Variants in SMIM36 observed in about 807,000 individuals in gnomAD.
SMIM36 encodes the protein small integral membrane protein 36.
At chr17:55,493,625 CGTGGTGAAACCCCAT>C (rs1909752138) in intron 1 of SMIM36, among the ~76,000 whole-genome samples, 1 of 151,790 alleles carries the variant, frequency 6.6e-6, no homozygotes. Context: ...GCCTGGGCAA[CGTGGTGAAACCCCAT>C]CTCTACAAAA....
At chr17:55,526,789 C>G in the SMIM36 span, among the ~76,000 whole-genome samples, 1 of 152,166 alleles carries the variant, frequency 6.6e-6, no homozygotes, top group Non-Finnish European at 1.5e-5. Flanking sequence ...TTGCCTCTGG[C>G]TCATTTCTTT....
intron 1 of SMIM36, among the ~76,000 whole-genome samples, chr17:55,489,286 G>C (rs990837221): frequency 6.6e-6 from 1 of 152,244 alleles, no homozygotes; most frequent in Non-Finnish European, 1.5e-5. Flanking sequence ...GCTGAGGCAG[G>C]AGAATCGCTT....
At chr17:55,452,779 C>T (rs1255574012) in intron 4 of SMIM36, among the ~76,000 whole-genome samples, 1 of 152,150 alleles carries the variant, frequency 6.6e-6, no homozygotes, top group East Asian at 1.9e-4. Flanking sequence ...ATTTTGGGTA[C>T]TCTCCTCCTC....
chr17:55,501,093 A>T (rs796638869), intron 1 of SMIM36, among the ~76,000 whole-genome samples: 1 of 15,806 alleles, frequency 6.3e-5, no homozygotes, highest in African/African-American at 5.3e-4. Flanking sequence ...ATATACTATT[A>T]TATTTTATAA....
At chr17:55,461,687 A>G (rs1909151299) in intron 4 of SMIM36, among the ~76,000 whole-genome samples, 1 of 152,250 alleles carries the variant, frequency 6.6e-6, no homozygotes, top group South Asian at 2.1e-4. Context: ...TAAACACAGA[A>G]AGCAAACACA....
At chr17:55,509,769 C>T (rs1173835412) in intron 1 of SMIM36, among the ~76,000 whole-genome samples, 1 of 152,070 alleles carries the variant, frequency 6.6e-6, no homozygotes, top group Non-Finnish European at 1.5e-5. Context: ...TAAAAATACA[C>T]ACAATGGAGA....
intron 1 of SMIM36, among the ~76,000 whole-genome samples, chr17:55,486,355 A>G (rs1909608462): frequency 6.6e-6 from 1 of 152,072 alleles, no homozygotes. Flanking sequence ...GCTTTCTTTT[A>G]TGGGGAATCT....
chr17:55,462,488 C>T (rs144462362), intron 4 of SMIM36, among the ~76,000 whole-genome samples: 133 of 152,190 alleles, frequency 8.7e-4, no homozygotes, highest in Non-Finnish European at 1.7e-3. Flanking sequence ...TGCCTGTAGT[C>T]TTAGTAACTC....
the SMIM36 span, among the ~76,000 whole-genome samples, chr17:55,519,399 G>A: frequency 1.3e-5 from 2 of 152,138 alleles, no homozygotes; most frequent in African/African-American, 4.8e-5. Context: ...GATAAATGGT[G>A]GAGTGAGTGC....
Position 55,457,451 on chromosome 17 carries a change from C to CAA in SMIM36, c.*532-7155_*532-7154dup, listed in dbSNP as rs1179896909. Among the ~76,000 whole-genome samples the CAA allele has an allele frequency of 6.6e-3, 405 of 61,586 alleles. 7 individuals carry two copies. Among genetic ancestry groups the CAA allele is most frequent in the African/African-American group, 0.018 (337 of 18,562 alleles). The allele number at this position is 61,586 out of a possible 152,430, so 40.4% of individuals were successfully genotyped here. A position where few individuals can be genotyped will look rare whatever the true frequency, so the allele number is the denominator to read the frequency against. ...GGGTGACAAGAGTGAAACTCCGTCT[C>CAA]AAAAAAAAAAAAAAAAAAAGAATAG... On this transcript the variant is annotated intron_variant, in intron 4 of 4. Transcript: ENST00000636752.
intron 1 of SMIM36, among the ~76,000 whole-genome samples, chr17:55,499,748 G>A (rs188445792): frequency 1.3e-5 from 2 of 152,176 alleles, no homozygotes; most frequent in African/African-American, 2.4e-5. Context: ...CAAAAATAAG[G>A]CAGTATTTGA....
intron 3 of SMIM36, among the ~76,000 whole-genome samples, chr17:55,478,474 C>A (rs988721668): frequency 2.6e-5 from 4 of 152,096 alleles, no homozygotes; most frequent in African/African-American, 9.7e-5. Context: ...AAGTGATCTG[C>A]CCGCCTTGAC....
intron 1 of SMIM36, among the ~76,000 whole-genome samples, chr17:55,493,653 T>C (rs1351993715): frequency 6.6e-6 from 1 of 151,242 alleles, no homozygotes; most frequent in East Asian, 2.0e-4. Context: ...CTACAAAAAA[T>C]ACAAAAATTA....
chr17:55,526,598 A>C, the SMIM36 span, among the ~76,000 whole-genome samples: 1 of 152,226 alleles, frequency 6.6e-6, no homozygotes, highest in Non-Finnish European at 1.5e-5. Flanking sequence ...GACCATGACC[A>C]TGTGTAAGTC....
At chr17:55,523,984 T>G in the SMIM36 span, among the ~76,000 whole-genome samples, 1 of 152,164 alleles carries the variant, frequency 6.6e-6, no homozygotes, top group Non-Finnish European at 1.5e-5. Flanking sequence ...GGTGAACTCA[T>G]GTTACAGAGG....
At chr17:55,489,860 GT>G (rs758113087) in intron 1 of SMIM36, among the ~76,000 whole-genome samples, 1 of 54,124 alleles carries the variant, frequency 1.8e-5, no homozygotes, top group Non-Finnish European at 4.6e-5. Context: ...GTTTTTTTTT[GT>G]TTTTTTTTAC....
intron 4 of SMIM36, among the ~76,000 whole-genome samples, chr17:55,466,801 A>G (rs1909246674): frequency 6.6e-6 from 1 of 152,248 alleles, no homozygotes; most frequent in South Asian, 2.1e-4. Context: ...CGGAGGTGCC[A>G]AGGGCTGGAA....
At position 55,500,882 on chromosome 17, in the gene SMIM36, AAT is replaced by A. The variant is rs1217786545; in HGVS notation, c.*174+9995_*174+9996del. ...TATATTATAATATATTATATTTTAT[AAT>A]ATATATTATAATATATTATATTATA... is the stretch of plus-strand genomic sequence containing the variant. On this transcript the variant is annotated intron_variant, in intron 1 of 4. Transcript: ENST00000636752. Among the ~76,000 whole-genome samples the A allele has an allele frequency of 1.1e-3, 33 of 30,174 alleles. 10 individuals are homozygous for A. The highest frequency in any genetic ancestry group is 5.2e-3 in the African/African-American group (13 of 2,478). The allele number at this position is 30,174 out of a possible 152,430, so 19.8% of individuals were successfully genotyped here. A position where few individuals can be genotyped will look rare whatever the true frequency, so the allele number is the denominator to read the frequency against.
At chr17:55,508,011 A>G (rs1567872475) in intron 1 of SMIM36, among the ~76,000 whole-genome samples, 1 of 152,166 alleles carries the variant, frequency 6.6e-6, no homozygotes. Flanking sequence ...TTACCAACAC[A>G]AGCCTAAGGG....
Sources: allele counts gnomAD v4.1 joint callset (sites outside exome capture counted in the v4.1 genomes callset), GRCh38; gene constraint gnomAD v4.1.1; transcripts MANE v1.5; gene names NCBI Gene and HGNC (gene_info 2026-07-23, HGNC 2026-07-21).